Variants in UBAC2 observed in about 807,000 individuals in gnomAD.
The protein encoded by UBAC2 is ubiquitin-associated domain-containing protein 2.
UBAC2 carries 26 observed loss-of-function variants against 44.0 expected under a neutral mutation model. The observed-to-expected ratio is 0.59, with a 90% confidence interval of 0.43 to 0.82. The LOEUF is 0.82. UBAC2 is among the 40% of genes least tolerant of loss of function. UBAC2 has a pLI of 0.00. For synonymous variants in UBAC2, 155 were observed against 154.3 expected, an observed-to-expected ratio of 1.00 and a Z score of -0.04; for missense variants, 329 against 419.4, an observed-to-expected ratio of 0.78 and a Z score of 1.88.
At chr13:99,383,772 C>T (rs1443082105) in intron 8 of UBAC2, among the ~76,000 whole-genome samples, 3 of 152,268 alleles carry the variant, frequency 2.0e-5, no homozygotes, top group African/African-American at 2.4e-5. Flanking sequence ...CCTGGCTGGA[C>T]TCCAGCTTCT....
At chr13:99,290,551 C>A (rs866603682) in intron 4 of UBAC2, among the ~76,000 whole-genome samples, 4 of 151,866 alleles carry the variant, frequency 2.6e-5, no homozygotes, top group African/African-American at 9.7e-5. Context: ...CATGGTGAAA[C>A]TCATCTCCAC....
chr13:99,381,821 G>A (rs947466444), intron 8 of UBAC2, among the ~76,000 whole-genome samples: 1 of 152,214 alleles, frequency 6.6e-6, no homozygotes, highest in African/African-American at 2.4e-5. Flanking sequence ...GAAAAGGAAA[G>A]TGTGAATTCT....
intron 6 of UBAC2, among the ~76,000 whole-genome samples, chr13:99,337,574 A>G (rs902583651): frequency 6.6e-6 from 1 of 152,078 alleles, no homozygotes; most frequent in Admixed American, 6.5e-5. Flanking sequence ...CATCCTAAGG[A>G]TTTATATTCT....
intron 1 of UBAC2, among the ~76,000 whole-genome samples, chr13:99,225,123 A>C (rs1420820382): frequency 2.0e-5 from 3 of 152,180 alleles, no homozygotes; most frequent in Non-Finnish European, 2.9e-5. Context: ...ATATTTGCTT[A>C]TATTTAGTTT....
rs765235078 is a variant in UBAC2, at chr13:99,367,841, G to A, written c.862G>A (p.Val288Ile). 21 of 1,613,784 alleles carry A rather than the reference G, an allele frequency of 1.3e-5. No individual in the cohort carries two copies. Among genetic ancestry groups the A allele is most frequent in the South Asian group, 1.2e-4 (11 of 91,074 alleles). The change falls in exon 8 of 9, where the codon GTA becomes ATA. Residue 288 changes from valine (V) to isoleucine (I), a missense_variant. By Grantham distance (29) the Val-to-Ile change is conservative. Coordinates refer to ENST00000403766, the MANE Select transcript of UBAC2 (RefSeq NM_001144072.2). ...TCCTCCTTTACGTCAGCGACAAAAC[G>A]TAAACTATCAGGGCGGTCGGCAGTC... Reference protein sequence around the residue: ...LFPPLRQRQNVNYQGGRQSEP... With the variant: ...LFPPLRQRQNINYQGGRQSEP...
intron 6 of UBAC2, among the ~76,000 whole-genome samples, chr13:99,329,409 T>G (rs1288426121): frequency 2.0e-5 from 3 of 152,248 alleles, no homozygotes; most frequent in Non-Finnish European, 4.4e-5. Context: ...GTGATGGTTT[T>G]TAAATGTTTC....
intron 8 of UBAC2, among the ~76,000 whole-genome samples, chr13:99,374,829 T>C (rs1316764547): frequency 1.3e-5 from 2 of 152,210 alleles, no homozygotes; most frequent in Non-Finnish European, 2.9e-5. Flanking sequence ...TGGGGCCATG[T>C]CTGCCTTGTT....
intron 1 of UBAC2, chr13:99,231,406 A>ATTTTTTTTTTTTTTTTTTTTTTTTT (rs34600991): frequency 2.8e-5 from 2 of 71,956 alleles, no homozygotes; most frequent in Non-Finnish European, 5.1e-5. Context: ...TGCTGTATAC[A>ATTTTTTTTTTTTTTTTTTTTTTTTT]TTTTTTTTTT....
intron 7 of UBAC2, among the ~76,000 whole-genome samples, chr13:99,356,441 G>A (rs1279901880): frequency 1.3e-5 from 2 of 152,252 alleles, no homozygotes; most frequent in South Asian, 2.1e-4. Flanking sequence ...GCAACAGGAT[G>A]TATTGTGTCT....
At chr13:99,236,983 A>T (rs1018928074) in intron 1 of UBAC2, among the ~76,000 whole-genome samples, 39 of 152,140 alleles carry the variant, frequency 2.6e-4, no homozygotes, top group African/African-American at 2.2e-4. Context: ...CTTAAAAAAA[A>T]AAAATAAAAC....
Position 99,295,238 on chromosome 13 carries a change from A to G in UBAC2, c.390-18859A>G, listed in dbSNP as rs1594097671. 1 of 1,614,154 alleles carries G rather than the reference A, an allele frequency of 6.2e-7. No homozygotes were observed. Among genetic ancestry groups the G allele is most frequent in the South Asian group, 1.1e-5 (1 of 91,082 alleles). On this transcript the variant is annotated intron_variant, in intron 4 of 8. Coordinates refer to ENST00000403766, the MANE Select transcript of UBAC2 (RefSeq NM_001144072.2). The surrounding 1 kb of genome is among the most constrained non-coding windows in gnomAD (Gnocchi z 4.1). Reference sequence around the variant, plus strand: ...TGCAAAGAAGTAGATAAAAGGGTCCATGCAGCAATTGAAGTTCATCAGGCA... The same window carrying G: ...TGCAAAGAAGTAGATAAAAGGGTCCGTGCAGCAATTGAAGTTCATCAGGCA...
Position 99,283,788 on chromosome 13 carries a change from G to A in UBAC2, c.390-30309G>A, listed in dbSNP as rs189520553. ...CTTGCTCTTTTACCCAGGCCAGAGT[G>A]CAGTGGTGCTATCTCGGCTCACTGC... On this transcript the variant is annotated intron_variant, in intron 4 of 8. Transcript: ENST00000403766. 1.9e-3 allele frequency among the ~76,000 whole-genome samples: 228 copies of A among 119,366 alleles called. 2 individuals are homozygous for A. Among genetic ancestry groups the A allele is most frequent in the African/African-American group, 6.9e-3 (219 of 31,762 alleles). 78.3% of individuals were successfully genotyped at this position (119,366 alleles called of 152,430 possible).
At chr13:99,378,728 G>C (rs1047330852) in intron 8 of UBAC2, among the ~76,000 whole-genome samples, 1 of 152,232 alleles carries the variant, frequency 6.6e-6, no homozygotes, top group Non-Finnish European at 1.5e-5. Context: ...TTGCATAGCT[G>C]TGTTCTCAGT....
At chr13:99,343,298 G>T (rs1038211803) in intron 7 of UBAC2, among the ~76,000 whole-genome samples, 5 of 152,196 alleles carry the variant, frequency 3.3e-5, no homozygotes, top group Admixed American at 3.3e-4. Context: ...GTTTGCGCAC[G>T]CCCTCGCTCC....
chr13:99,315,987 C>A (rs1377617997), intron 5 of UBAC2, among the ~76,000 whole-genome samples: 1 of 151,504 alleles, frequency 6.6e-6, no homozygotes, highest in Admixed American at 6.6e-5. Context: ...TTTCCACCAA[C>A]CTAATATCTA....
At chr13:99,384,701 C>T (rs35694871) in intron 8 of UBAC2, among the ~76,000 whole-genome samples, 19,023 of 140,718 alleles carry the variant, frequency 0.14, 1,577 homozygotes, top group Middle Eastern at 0.22. Context: ...GATGCCAGGG[C>T]CGAGCATGGC....
At chr13:99,274,078 C>T (rs963063799) in intron 4 of UBAC2, among the ~76,000 whole-genome samples, 1 of 152,112 alleles carries the variant, frequency 6.6e-6, no homozygotes, top group African/African-American at 2.4e-5. Context: ...GTGACCCACT[C>T]CCTAAAAGGT....
At chr13:99,328,027 G>A (rs183522798) in intron 6 of UBAC2, among the ~76,000 whole-genome samples, 214 of 152,220 alleles carry the variant, frequency 1.4e-3, no homozygotes, top group African/African-American at 4.9e-3. Flanking sequence ...GCTGCCAGCC[G>A]CAGGTAACCA....
At chr13:99,330,740 A>G (rs2044705615) in intron 6 of UBAC2, among the ~76,000 whole-genome samples, 1 of 152,126 alleles carries the variant, frequency 6.6e-6, no homozygotes, top group Non-Finnish European at 1.5e-5. Flanking sequence ...CTGGTCTTAG[A>G]TGGAAAACGT....
Sources: gnomAD v4.1 joint callset for allele counts (sites outside exome capture counted in the v4.1 genomes callset) on GRCh38, gnomAD v4.1.1 for gene constraint, Gnocchi (gnomAD v3.1) non-coding constraint, MANE v1.5 for transcripts, NCBI Gene and HGNC (gene_info 2026-07-23, HGNC 2026-07-21) for gene names.